Variants in KIAA1614 observed in about 807,000 individuals in gnomAD.
KIAA1614 encodes uncharacterized protein KIAA1614.
A neutral mutation model predicts 88.7 loss-of-function variants in KIAA1614; 76 were observed. The ratio of observed to expected loss-of-function variants is 0.86; its 90% CI spans 0.71 to 1.04. The LOEUF (loss-of-function observed/expected upper bound fraction) is 1.04. Among genes scored for constraint, KIAA1614 ranks in the 50% least tolerant of loss-of-function variants. The pLI is 0.00. For synonymous variants in KIAA1614, 714 were observed against 675.5 expected (o/e 1.06, Z -0.88); for missense variants, 1,553 against 1,582.5 (o/e 0.98, Z 0.32).
intron 2 of KIAA1614, 87 bp downstream of exon 2, chr1:180,917,187 G>C (rs1177348059): frequency 9.7e-7 from 1 of 1,030,600 alleles, no homozygotes; most frequent in African/African-American, 1.6e-5. Context: ...TCCCACAGAG[G>C]GAGTGGGGCA....
intron 2 of KIAA1614, among the ~76,000 whole-genome samples, 158 bp downstream of exon 2, chr1:180,917,258 C>G (rs759465695): frequency 2.0e-5 from 3 of 152,204 alleles, no homozygotes; most frequent in Non-Finnish European, 4.4e-5. Context: ...GCCTCTTGTC[C>G]TTGGCTGTGA....
Position 180,928,717 on chromosome 1 carries a change from C to T in KIAA1614, c.1205+144C>T, listed in dbSNP as rs1654128834. ...GTGTGTTTTCCATATAAGGCTCTTG[C>T]TTTGATTATTTAGTCAGTCAACACA... On this transcript the variant is annotated intron_variant, in intron 4 of 8. Coordinates refer to ENST00000367588, the MANE Select transcript of KIAA1614 (RefSeq NM_020950.2). The T allele has an allele frequency of 8.5e-6, 8 of 937,200 alleles. No homozygotes were observed. In the South Asian group the frequency reaches 1.3e-4, roughly 16 times the overall value. The allele number at this position is 937,200 out of a possible 1,614,324, so 58.1% of individuals were successfully genotyped here.
chr1:180,944,381 C>T lies in KIAA1614; in HGVS notation c.3160-8C>T, dbSNP rs878856177. On this transcript the variant is annotated splice_polypyrimidine_tract_variant and splice_region_variant and intron_variant, in intron 7 of 8. Coordinates refer to ENST00000367588, the MANE Select transcript of KIAA1614 (RefSeq NM_020950.2). ...TTCTCACCCGCAATATTGTCCCTTTCTCATCAGGTGTCACCCTCTCACCAG... is the reference window on the plus strand; with the variant it reads ...TTCTCACCCGCAATATTGTCCCTTTTTCATCAGGTGTCACCCTCTCACCAG... The T allele has an allele frequency of 6.2e-7, 1 of 1,612,736 alleles. No individual in the cohort carries two copies. The highest frequency in any genetic ancestry group is 1.1e-5 in the South Asian group (1 of 90,976).
intron 4 of KIAA1614, among the ~76,000 whole-genome samples, chr1:180,934,347 G>C (rs958960677): frequency 3.9e-5 from 6 of 152,022 alleles, no homozygotes; most frequent in Non-Finnish European, 8.8e-5. Context: ...CCAGAACTTT[G>C]GGAGGCCGAG....
Position 180,921,602 on chromosome 1 carries a change from C to T in KIAA1614, c.1061+3688C>T, listed in dbSNP as rs557435365. ...ACCCTGTCCCTGCCCCCACAGGCCA[C>T]CCCTTGGGCTAGGGATCTGGGGGTC... On this transcript the variant is annotated intron_variant, in intron 3 of 8. Coordinates refer to ENST00000367588, the MANE Select transcript of KIAA1614 (RefSeq NM_020950.2). 6.6e-5 allele frequency among the ~76,000 whole-genome samples: 10 copies of T among 152,322 alleles called. No homozygotes were observed. In the South Asian group the frequency reaches 2.1e-3, roughly 32 times the overall value.
At chr1:180,914,831 C>A (rs899878316) in intron 1 of KIAA1614, among the ~76,000 whole-genome samples, 3 of 152,134 alleles carry the variant, frequency 2.0e-5, no homozygotes, top group Non-Finnish European at 4.4e-5. Context: ...CTCTGCCTCC[C>A]GAGTTCAAGC....
At chr1:180,920,408 G>C (rs990259046) in intron 3 of KIAA1614, among the ~76,000 whole-genome samples, 8 of 152,198 alleles carry the variant, frequency 5.3e-5, no homozygotes, top group African/African-American at 1.9e-4. Context: ...AGAGAATGCT[G>C]AGGCTGTGGC....
chr1:180,928,431 A>G lies in KIAA1614; in HGVS notation c.1063A>G (p.Thr355Ala). ...CCTGGCCTGTGTGCCACGCTGCAGG[A>G]CCGTTGGTCCCAACCCGGAGCCTGT... ...TSLQDSGQNR[T>A]VGPNPEPVLS... is the part of the protein sequence containing the mutation. The change falls in exon 4 of 9, where the codon ACC (threonine) becomes GCC (alanine). Residue 355 changes from threonine (T) to alanine (A), a missense_variant and splice_region_variant. By Grantham distance (58) the Thr-to-Ala change is moderately conservative. Coordinates refer to ENST00000367588, the MANE Select transcript of KIAA1614 (RefSeq NM_020950.2). 6.2e-7 allele frequency: 1 copy of G among 1,611,066 alleles called. No homozygotes were observed. The highest frequency in any genetic ancestry group is 2.2e-5 in the East Asian group (1 of 44,790).
Position 180,941,147 on chromosome 1 carries a change from A to G in KIAA1614, c.3021A>G (p.Lys1007=). ...SSSIASTLGL[K]KLFSALGQSS... Reference sequence around the variant, plus strand: ...GCATAGCCTCCACCCTGGGGCTGAAAAAGCTCTTCTCAGCCCTGGGCCAGA... The same window carrying G: ...GCATAGCCTCCACCCTGGGGCTGAAGAAGCTCTTCTCAGCCCTGGGCCAGA... Residue 1007 remains lysine (K), a synonymous_variant, in exon 7 of 9, where the codon AAA becomes AAG. Transcript: ENST00000367588. 1 of 1,613,708 alleles carries G rather than the reference A, an allele frequency of 6.2e-7. No individual in the cohort carries two copies. Among genetic ancestry groups the G allele is most frequent in the South Asian group, 1.1e-5 (1 of 91,070 alleles).
chr1:180,918,401 C>T (rs969056045), intron 3 of KIAA1614, among the ~76,000 whole-genome samples: 21 of 152,210 alleles, frequency 1.4e-4, no homozygotes, highest in Admixed American at 2.0e-4. Flanking sequence ...TGCTATCCCA[C>T]GGCCTTCGCT....
At chr1:180,942,754 C>A (rs1375261659) in intron 7 of KIAA1614, among the ~76,000 whole-genome samples, 2 of 152,168 alleles carry the variant, frequency 1.3e-5, no homozygotes, top group Admixed American at 6.5e-5. Flanking sequence ...AAGGCAAACA[C>A]CACCCCCGTC....
intron 4 of KIAA1614, among the ~76,000 whole-genome samples, chr1:180,932,030 T>C (rs572127581): frequency 6.6e-6 from 1 of 152,200 alleles, no homozygotes; most frequent in Admixed American, 6.5e-5. Flanking sequence ...GGAAGCATGC[T>C]TCTGAAGAGC....
chr1:180,924,292 G>A (rs1393404662), intron 3 of KIAA1614, among the ~76,000 whole-genome samples: 1 of 152,212 alleles, frequency 6.6e-6, no homozygotes, highest in East Asian at 1.9e-4. Context: ...ACAGGCCACT[G>A]GTCCCCCATC....
In KIAA1614 at chr1:180,945,798, A is replaced by G. The variant is rs140582955; in HGVS notation, c.*210A>G. The G allele has an allele frequency of 3.0e-4, 406 of 1,340,464 alleles. 5 individuals are homozygous for G. In the East Asian group the frequency reaches 0.011, roughly 38 times the overall value. The allele number at this position is 1,340,464 out of a possible 1,614,324, so 83.0% of individuals were successfully genotyped here. A position where few individuals can be genotyped will look rare whatever the true frequency, so the allele number is the denominator to read the frequency against. ...GACTCCACTGTCCCCCTGCTGTCTGATGACATCTTGAAATTAGAAGCTTAG... is the reference window on the plus strand; with the variant it reads ...GACTCCACTGTCCCCCTGCTGTCTGGTGACATCTTGAAATTAGAAGCTTAG... On this transcript the variant is annotated 3_prime_UTR_variant, in exon 9 of 9. Transcript: ENST00000367588.
chr1:180,913,984 A>G (rs982468889), intron 1 of KIAA1614: 2 of 152,222 alleles, frequency 1.3e-5, no homozygotes, highest in Admixed American at 1.3e-4. Context: ...TGCTTTATAA[A>G]ATATGTGCAT....
At chr1:180,934,635 C>A (rs1472268985) in intron 4 of KIAA1614, among the ~76,000 whole-genome samples, 1 of 152,164 alleles carries the variant, frequency 6.6e-6, no homozygotes, top group Non-Finnish European at 1.5e-5. Context: ...TCTCACACAG[C>A]CTCTCCTTTA....
chr1:180,921,218 C>CA lies in KIAA1614; in HGVS notation c.1061+3304_1061+3305insA, dbSNP rs1553258350. On this transcript the variant is annotated intron_variant, in intron 3 of 8. Transcript: ENST00000367588. ...GGGGTTTTTCTCTTACGGGCAGGGG[C>CA]GGGGGGTCACAAGGTGCTCAGTGGA... is the stretch of plus-strand genomic sequence containing the variant. Among the ~76,000 whole-genome samples the CA allele has an allele frequency of 3.4e-5, 5 of 148,964 alleles. No homozygotes were observed. The East Asian group carries it at 1.0e-3, about 30-fold the overall frequency.
intron 4 of KIAA1614, among the ~76,000 whole-genome samples, chr1:180,931,020 G>A (rs981416297): frequency 2.0e-5 from 3 of 152,252 alleles, no homozygotes; most frequent in Non-Finnish European, 4.4e-5. Context: ...GGGGCAGGCA[G>A]AGCAGTCTCA....
In KIAA1614 at chr1:180,950,543, G is replaced by C. The variant is rs1245890942; in HGVS notation, c.*4955G>C. ...ACCTGTCCCACGGTGACCCAGAAGT[G>C]CCGCTGCCCTCACTGTCACGGCCTC... On this transcript the variant is annotated 3_prime_UTR_variant, in exon 9 of 9. Transcript: ENST00000367588. 2 of 1,086,186 alleles carry C rather than the reference G, an allele frequency of 1.8e-6. No individual in the cohort carries two copies. Among genetic ancestry groups the C allele is most frequent in the Non-Finnish European group, 2.3e-6 (2 of 884,762 alleles). The allele number at this position is 1,086,186 out of a possible 1,614,324, so 67.3% of individuals were successfully genotyped here. A position where few individuals can be genotyped will look rare whatever the true frequency, so the allele number is the denominator to read the frequency against.
Sources: allele counts gnomAD v4.1 joint callset (sites outside exome capture counted in the v4.1 genomes callset), GRCh38; gene constraint gnomAD v4.1.1; transcripts MANE v1.5; gene names NCBI Gene and HGNC (gene_info 2026-07-23, HGNC 2026-07-21).